XKR4: variants seen among roughly 807,000 people sequenced by gnomAD.
XKR4 encodes XK related 4, also known as XK-related protein 4.
Under a neutral mutation model 53.9 loss-of-function variants are expected in XKR4, and 12 were observed. The ratio of observed to expected loss-of-function variants is 0.22; its 90% CI spans 0.14 to 0.36. XKR4 has a LOEUF of 0.36. Among genes scored for constraint, XKR4 ranks in the 10% least tolerant of loss-of-function variants. The pLI is 1.00. For missense variants in XKR4, 799 were observed against 859.5 expected, an observed-to-expected ratio of 0.93 and a Z score of 0.88; for synonymous variants, 354 against 362.4, an observed-to-expected ratio of 0.98 and a Z score of 0.26.
intron 2 of XKR4, among the ~76,000 whole-genome samples, chr8:55,426,674 G>A (rs897300883): frequency 6.6e-5 from 10 of 152,186 alleles, no homozygotes; most frequent in Non-Finnish European, 1.0e-4. Flanking sequence ...ACATATACAC[G>A]AGTCAGGCAT....
chr8:55,214,954 T>G (rs6997656), intron 1 of XKR4, among the ~76,000 whole-genome samples: 1 of 152,202 alleles, frequency 6.6e-6, no homozygotes, highest in African/African-American at 2.4e-5. Flanking sequence ...CCAGGGTATG[T>G]GTCTTTAGCA....
intron 2 of XKR4, among the ~76,000 whole-genome samples, chr8:55,433,841 C>A (rs1394148701): frequency 6.6e-6 from 1 of 152,076 alleles, no homozygotes; most frequent in East Asian, 1.9e-4. Context: ...GGCTGGACAA[C>A]ATAGGGAGAT....
chr8:55,330,770 G>C (rs1227563778), intron 1 of XKR4, among the ~76,000 whole-genome samples: 1 of 152,086 alleles, frequency 6.6e-6, no homozygotes, highest in Non-Finnish European at 1.5e-5. Flanking sequence ...GAGTGTTCAT[G>C]GCATGAAGTA....
rs867046301 is a variant in XKR4, at chr8:55,534,405, G to T, written c.*10178G>T. 3 of 100,802 alleles carry T rather than the reference G, an allele frequency of 3.0e-5. No homozygotes were observed. The highest frequency in any genetic ancestry group is 1.1e-4 in the African/African-American group (3 of 26,754). The allele number at this position is 100,802 out of a possible 1,614,324, so 6.2% of individuals were successfully genotyped here. A position where few individuals can be genotyped will look rare whatever the true frequency, so the allele number is the denominator to read the frequency against. ...TTTTTTTTTTTTGAGACAGAGTCTC[G>T]CTCTGTCGCAGGGGCTGGAGTGCAG... On this transcript the variant is annotated 3_prime_UTR_variant, in exon 3 of 3. Transcript: ENST00000327381.
chr8:55,292,647 A>G (rs1819046497), intron 1 of XKR4, among the ~76,000 whole-genome samples: 1 of 151,926 alleles, frequency 6.6e-6, no homozygotes, highest in Admixed American at 6.6e-5. Flanking sequence ...TTTCTGCTCT[A>G]ATCTTTATTA....
At chr8:55,398,875 C>T (rs1804560133) in intron 2 of XKR4, among the ~76,000 whole-genome samples, 3 of 152,146 alleles carry the variant, frequency 2.0e-5, no homozygotes, top group Non-Finnish European at 4.4e-5. Context: ...TCGTTGCTTT[C>T]GAATATTATC....
At chr8:55,519,897 C>T (rs1806775843) in intron 2 of XKR4, among the ~76,000 whole-genome samples, 1 of 152,112 alleles carries the variant, frequency 6.6e-6, no homozygotes, top group African/African-American at 2.4e-5. Flanking sequence ...AGTCAGTTGA[C>T]AATTAGGGCA....
intron 1 of XKR4, among the ~76,000 whole-genome samples, chr8:55,121,497 A>C (rs1394149231): frequency 6.6e-6 from 1 of 152,212 alleles, no homozygotes; most frequent in Non-Finnish European, 1.5e-5. Context: ...TTTAGAATTT[A>C]TGCTTTATAG....
At chr8:55,284,399 G>A (rs12550403) in intron 1 of XKR4, among the ~76,000 whole-genome samples, 6,043 of 152,192 alleles carry the variant, frequency 0.04, 311 homozygotes, top group African/African-American at 0.11. Context: ...CCCATGAGAT[G>A]GGTGAAATCA....
At chr8:55,227,850 A>G (rs1406193012) in intron 1 of XKR4, among the ~76,000 whole-genome samples, 3 of 152,254 alleles carry the variant, frequency 2.0e-5, no homozygotes, top group African/African-American at 4.8e-5. Context: ...AGGCTGTTCT[A>G]TGAATCCATG....
chr8:55,226,362 A>G (rs1429765484), intron 1 of XKR4, among the ~76,000 whole-genome samples: 1 of 152,228 alleles, frequency 6.6e-6, no homozygotes, highest in African/African-American at 2.4e-5. Flanking sequence ...CATATAAATT[A>G]GGCTGAAGGA....
chr8:55,351,355 T>G (rs1803720265), intron 1 of XKR4, among the ~76,000 whole-genome samples: 1 of 152,212 alleles, frequency 6.6e-6, no homozygotes, highest in South Asian at 2.1e-4. Flanking sequence ...TTTATTCTAT[T>G]GGAAGAAACC....
intron 2 of XKR4, among the ~76,000 whole-genome samples, chr8:55,511,479 TCTGCCTC>T (rs1806624731): frequency 6.6e-6 from 1 of 152,142 alleles, no homozygotes; most frequent in South Asian, 2.1e-4. Context: ...TCCTTCCCTT[TCTGCCTC>T]CTTTTCAGCA....
intron 2 of XKR4, among the ~76,000 whole-genome samples, chr8:55,512,676 G>A (rs1238039687): frequency 6.6e-6 from 1 of 152,204 alleles, no homozygotes; most frequent in Non-Finnish European, 1.5e-5. Flanking sequence ...TGAGAGGAAA[G>A]AATTGAGAGA....
At chr8:55,131,842 C>T (rs1816559144) in intron 1 of XKR4, among the ~76,000 whole-genome samples, 1 of 152,104 alleles carries the variant, frequency 6.6e-6, no homozygotes, top group Non-Finnish European at 1.5e-5. Context: ...GCTGCATAGC[C>T]AGGACTGCAG....
intron 1 of XKR4, among the ~76,000 whole-genome samples, chr8:55,275,893 G>C (rs993141077): frequency 6.6e-6 from 1 of 152,188 alleles, no homozygotes; most frequent in African/African-American, 2.4e-5. Flanking sequence ...AGCCGGGACT[G>C]TCCCACCTGG....
chr8:55,143,020 C>G (rs183943897), intron 1 of XKR4, among the ~76,000 whole-genome samples: 68 of 152,176 alleles, frequency 4.5e-4, no homozygotes, highest in Admixed American at 3.4e-3. Flanking sequence ...TGGTATTATA[C>G]AAGATATATT....
chr8:55,178,667 G>C (rs1011699720), intron 1 of XKR4, among the ~76,000 whole-genome samples: 4 of 152,092 alleles, frequency 2.6e-5, no homozygotes, highest in Admixed American at 2.0e-4. Context: ...GTCCTAGCTC[G>C]ACACTAACTA....
At chr8:55,380,617 A>G (rs1290927695) in intron 2 of XKR4, among the ~76,000 whole-genome samples, 2 of 152,274 alleles carry the variant, frequency 1.3e-5, no homozygotes, top group Non-Finnish European at 2.9e-5. Flanking sequence ...TATTCAGAGA[A>G]CTAATAAGTG....
Sources: gnomAD v4.1 joint callset for allele counts (sites outside exome capture counted in the v4.1 genomes callset) on GRCh38, gnomAD v4.1.1 for gene constraint, MANE v1.5 for transcripts, NCBI Gene and HGNC (gene_info 2026-07-23, HGNC 2026-07-21) for gene names.